CNTNAP5: variants seen among roughly 807,000 people sequenced by gnomAD.
The protein encoded by CNTNAP5 is contactin-associated protein-like 5.
A neutral mutation model predicts 150.2 loss-of-function variants in CNTNAP5; 72 were observed. The observed-to-expected ratio is 0.48, with a 90% CI of 0.40 to 0.58. The LOEUF (loss-of-function observed/expected upper bound fraction) is 0.58, where lower values mean the gene tolerates loss of function less well. Ranked by LOEUF, CNTNAP5 falls within the 20% of genes least tolerant of loss-of-function variation. The pLI, the probability that CNTNAP5 is intolerant of heterozygous loss-of-function variation, is 0.00. For synonymous variants in CNTNAP5, 672 were observed against 619.8 expected, an observed-to-expected ratio of 1.08 and a Z score of -1.25; for missense variants, 1,636 against 1,626.2, an observed-to-expected ratio of 1.01 and a Z score of -0.10.
At chr2:124,892,388 G>A (rs1354576695) in intron 21 of CNTNAP5, among the ~76,000 whole-genome samples, 2 of 152,120 alleles carry the variant, frequency 1.3e-5, no homozygotes, top group Admixed American at 6.6e-5. Context: ...AGAAAAGTCA[G>A]TGGATGAATT....
At chr2:124,081,765 C>T (rs1372955125) in intron 1 of CNTNAP5, among the ~76,000 whole-genome samples, 2 of 152,128 alleles carry the variant, frequency 1.3e-5, no homozygotes, top group Admixed American at 6.5e-5. Context: ...TTTTAATTGA[C>T]CTGTTCATTT....
chr2:124,591,773 A>T (rs1474846356), intron 11 of CNTNAP5, among the ~76,000 whole-genome samples: 1 of 152,188 alleles, frequency 6.6e-6, no homozygotes. Context: ...AATTACAAGC[A>T]GTTCAAAAAA....
In CNTNAP5 at chr2:124,389,916, C is replaced by T. The variant is rs557138066; in HGVS notation, c.382-27527C>T. On this transcript the variant is annotated intron_variant, in intron 3 of 23. Transcript: ENST00000682447. ...GAGAGGTCAAGGCTGCAGCGAGCCA[C>T]GATTGTACCTCTGCAATCCAGCCTG... Among the ~76,000 whole-genome samples the T allele has an allele frequency of 2.2e-4, 34 of 152,132 alleles. No individual in the cohort carries two copies. The South Asian group carries it at 2.9e-3, about 13-fold the overall frequency.
At chr2:124,913,407 G>C (rs1678696674) in intron 23 of CNTNAP5, among the ~76,000 whole-genome samples, 1 of 152,002 alleles carries the variant, frequency 6.6e-6, no homozygotes, top group African/African-American at 2.4e-5. Context: ...ACATAATCCA[G>C]TTAAATCACA....
intron 18 of CNTNAP5, among the ~76,000 whole-genome samples, chr2:124,792,111 G>A (rs1189030671): frequency 1.3e-5 from 2 of 152,034 alleles, no homozygotes; most frequent in African/African-American, 2.4e-5. Context: ...TTACTATGGC[G>A]CAGTATATTT....
At chr2:124,464,140 T>G (rs1440235932) in intron 6 of CNTNAP5, among the ~76,000 whole-genome samples, 1 of 151,928 alleles carries the variant, frequency 6.6e-6, no homozygotes, top group Non-Finnish European at 1.5e-5. Flanking sequence ...TAAGGGCAAT[T>G]ATTGGGGTTG....
intron 2 of CNTNAP5, among the ~76,000 whole-genome samples, chr2:124,227,885 T>C (rs1276617052): frequency 1.3e-5 from 2 of 151,726 alleles, no homozygotes; most frequent in Non-Finnish European, 2.9e-5. Flanking sequence ...ACGGGATATA[T>C]ATATACACAT....
At chr2:124,311,560 C>T (rs959306219) in intron 3 of CNTNAP5, among the ~76,000 whole-genome samples, 1 of 152,196 alleles carries the variant, frequency 6.6e-6, no homozygotes, top group African/African-American at 2.4e-5. Flanking sequence ...AGTCCTTTCT[C>T]CAAATATGTT....
intron 7 of CNTNAP5, among the ~76,000 whole-genome samples, chr2:124,488,319 A>G (rs973071007): frequency 2.0e-5 from 3 of 152,188 alleles, no homozygotes; most frequent in Non-Finnish European, 4.4e-5. Flanking sequence ...TATTGTGTCA[A>G]TTGATTTTTA....
At chr2:124,372,001 A>G (rs1690540080) in intron 3 of CNTNAP5, among the ~76,000 whole-genome samples, 1 of 152,002 alleles carries the variant, frequency 6.6e-6, no homozygotes. Context: ...GAGGAGATTG[A>G]CATGTGTGAG....
intron 23 of CNTNAP5, 71 bp downstream of exon 23, chr2:124,911,609 G>A: frequency 7.9e-7 from 1 of 1,273,874 alleles, no homozygotes; most frequent in East Asian, 2.5e-5. Context: ...GTTATCTGAA[G>A]CTTTCCTTAA....
intron 19 of CNTNAP5, among the ~76,000 whole-genome samples, chr2:124,843,623 C>A (rs1381249915): frequency 6.6e-6 from 1 of 152,104 alleles, no homozygotes; most frequent in African/African-American, 2.4e-5. Context: ...TACATTCCTA[C>A]CAACAGTGTA....
intron 3 of CNTNAP5, among the ~76,000 whole-genome samples, chr2:124,316,804 CAAAAAAAAAAAA>C (rs56812690): frequency 5.5e-5 from 3 of 54,770 alleles, no homozygotes; most frequent in African/African-American, 6.8e-5. Flanking sequence ...GACTCCATCT[CAAAAAAAAAAAA>C]AAAAAAAAAA....
chr2:124,132,347 G>C (rs1010106640), intron 1 of CNTNAP5, among the ~76,000 whole-genome samples: 1 of 152,136 alleles, frequency 6.6e-6, no homozygotes, highest in Non-Finnish European at 1.5e-5. Flanking sequence ...TATTATTGTA[G>C]TTTGATATTT....
chr2:124,419,153 A>AAAAACAAAAC (rs1553466549), intron 4 of CNTNAP5, among the ~76,000 whole-genome samples: 37 of 76,420 alleles, frequency 4.8e-4, no homozygotes, highest in East Asian at 2.6e-3. Flanking sequence ...AAAAAAAAAA[A>AAAAACAAAAC]AAAAAAAAAA....
chr2:124,713,318 CCTTTCTTTCTTTCTTTCTTTCTTTCTTT>C lies in CNTNAP5; in HGVS notation c.2078-33875_2078-33848del, dbSNP rs200942591. On this transcript the variant is annotated intron_variant, in intron 13 of 23. Coordinates refer to ENST00000682447, the MANE Select transcript of CNTNAP5 (RefSeq NM_001367498.1). ...CTTTCTTTCTTCTTTCTCTTTCTTT[CCTTTCTTTCTTTCTTTCTTTCTTTCTTT>C]CTTTCTTTCTTTCTTTCTTTCTTTC... 4.5e-3 allele frequency among the ~76,000 whole-genome samples: 197 copies of C among 43,956 alleles called. 5 individuals carry two copies. The highest frequency in any genetic ancestry group is 0.014 in the African/African-American group (186 of 12,872). 28.8% of individuals were successfully genotyped at this position (43,956 alleles called of 152,430 possible).
chr2:124,626,804 C>T (rs1469669813), intron 12 of CNTNAP5, among the ~76,000 whole-genome samples: 2 of 152,162 alleles, frequency 1.3e-5, no homozygotes, highest in Non-Finnish European at 2.9e-5. Flanking sequence ...CTAAGAACCA[C>T]TAGCTTGAAA....
intron 10 of CNTNAP5, among the ~76,000 whole-genome samples, chr2:124,562,815 A>G (rs1296615638): frequency 6.6e-6 from 1 of 152,218 alleles, no homozygotes; most frequent in Non-Finnish European, 1.5e-5. Flanking sequence ...CAATGACCTC[A>G]ATTATCTGCC....
intron 13 of CNTNAP5, among the ~76,000 whole-genome samples, chr2:124,734,648 A>C (rs2105130916): frequency 6.6e-6 from 1 of 152,158 alleles, no homozygotes; most frequent in Middle Eastern, 3.4e-3. Context: ...AAGAATAACC[A>C]GAAATTTGGT....
Sources: gnomAD v4.1 joint callset for allele counts (sites outside exome capture counted in the v4.1 genomes callset) on GRCh38, gnomAD v4.1.1 for gene constraint, MANE v1.5 for transcripts, NCBI Gene and HGNC (gene_info 2026-07-23, HGNC 2026-07-21) for gene names.